Variants in HNF1A observed in about 807,000 individuals in gnomAD.
HNF1A encodes hepatocyte nuclear factor 1-alpha.
Under a neutral mutation model 62.2 loss-of-function variants are expected in HNF1A, and 21 were observed. The ratio of observed to expected loss-of-function variants is 0.34; its 90% CI spans 0.24 to 0.49. HNF1A has a LOEUF of 0.49. HNF1A is among the 20% of genes least tolerant of loss of function. The pLI is 0.99. For missense variants in HNF1A, 687 were observed against 832.3 expected (o/e 0.83, Z 2.15); for synonymous variants, 374 against 366.8 (o/e 1.02, Z -0.22).
intron 6 of HNF1A, 105 bp from the exon 7 acceptor site, chr12:120,997,369 C>A (rs1877162188): frequency 2.2e-6 from 3 of 1,391,236 alleles, no homozygotes; most frequent in Non-Finnish European, 2.9e-6. Context: ...GCCCCCTCCT[C>A]CAAACCACGG....
chr12:120,986,747 TTTTTTA>T (rs1367395890), intron 1 of HNF1A, among the ~76,000 whole-genome samples: 32 of 152,282 alleles, frequency 2.1e-4, no homozygotes, highest in African/African-American at 7.2e-4. Flanking sequence ...ATCTGACTTA[TTTTTTA>T]TTTTTATTAT....
rs200120574 is a variant in HNF1A, at chr12:121,001,074, G to C, written c.1778G>C (p.Ser593Thr). The stretch of plus-strand genomic sequence containing the variant: ...TTGTTTGCCTCTGCAGTGTCCTCCA[G>C]CAGCCTGGTGCTGTACCAGAGCTCA... ...RLSASPTVSS[S>T]SLVLYQSSDS... The change falls in exon 10 of 10, where the codon AGC becomes ACC. Residue 593 changes from serine (S) to threonine (T), a missense_variant. This residue lies in a region of HNF1A where 408 missense variants were observed against 455.3 expected (regional missense o/e 0.90). Coordinates refer to ENST00000257555, the MANE Select transcript of HNF1A (RefSeq NM_000545.8). The C allele has an allele frequency of 3.0e-5, 48 of 1,613,296 alleles. No individual in the cohort carries two copies. Among genetic ancestry groups the C allele is most frequent in the Non-Finnish European group, 4.1e-5 (48 of 1,179,874 alleles).
At chr12:120,998,944 C>CGTGCTT (rs1877265328) in intron 7 of HNF1A, among the ~76,000 whole-genome samples, 1 of 152,112 alleles carries the variant, frequency 6.6e-6, no homozygotes, top group East Asian at 1.9e-4. Flanking sequence ...ACGTAGCACC[C>CGTGCTT]GTGCTTAGTA....
At position 121,001,052 on chromosome 12, in the gene HNF1A, T is replaced by TTTGCC; in HGVS notation, c.1769-11_1769-7dup. On this transcript the variant is annotated splice_polypyrimidine_tract_variant and intron_variant, in intron 9 of 9. Coordinates refer to ENST00000257555, the MANE Select transcript of HNF1A (RefSeq NM_000545.8). ...GCCTGGTGGGTGGCTAGCAGCCTTGTTTGCCTCTGCAGTGTCCTCCAGCAG... is the reference window on the plus strand; with the variant it reads ...GCCTGGTGGGTGGCTAGCAGCCTTGTTTGCCTTGCCTCTGCAGTGTCCTCCAGCAG... The TTTGCC allele has an allele frequency of 6.2e-7, 1 of 1,612,812 alleles. No homozygotes were observed. Among genetic ancestry groups the TTTGCC allele is most frequent in the Non-Finnish European group, 8.5e-7 (1 of 1,179,780 alleles).
intron 1 of HNF1A, among the ~76,000 whole-genome samples, chr12:120,981,362 C>T (rs944657304): frequency 3.4e-4 from 51 of 152,184 alleles, no homozygotes; most frequent in Non-Finnish European, 1.0e-4. Flanking sequence ...GCTCTTTCTT[C>T]AGATCTCCCC....
chr12:120,985,936 G>T (rs1247573965), intron 1 of HNF1A, among the ~76,000 whole-genome samples: 2 of 151,606 alleles, frequency 1.3e-5, no homozygotes, highest in African/African-American at 2.4e-5. Context: ...AGTGAGCTGA[G>T]CTCGCGCCAC....
chr12:121,000,123 A>G (rs944744108), intron 9 of HNF1A, among the ~76,000 whole-genome samples: 1 of 152,310 alleles, frequency 6.6e-6, no homozygotes, highest in South Asian at 2.1e-4. Flanking sequence ...ATCGGCTCCA[A>G]TGACCCCTGG....
Position 120,999,471 on chromosome 12 carries a change from C to T in HNF1A, c.1624-12C>T, listed in dbSNP as rs1418631763. The T allele has an allele frequency of 3.7e-6, 6 of 1,613,786 alleles. No homozygotes were observed. In the African/African-American group the frequency reaches 6.7e-5, roughly 18 times the overall value. ...CATCCCCCGGGCTCAGGAGGCTGCT[C>T]TGCTCCCCCAGGTCTTCACCTCAGA... On this transcript the variant is annotated splice_polypyrimidine_tract_variant and intron_variant, in intron 8 of 9. Transcript: ENST00000257555.
In HNF1A at chr12:120,993,625, A is replaced by G. The variant is rs2135839438; in HGVS notation, c.632A>G (p.Gln211Arg). 7 of 1,614,190 alleles carry G rather than the reference A, an allele frequency of 4.3e-6. No individual in the cohort carries two copies. The highest frequency in any genetic ancestry group is 5.9e-6 in the Non-Finnish European group (7 of 1,180,032). ...RNRFKWGPAS[Q>R]QILFQAYERQ... ...CGTTTCAAGTGGGGCCCAGCATCCC[A>G]GCAGATCCTGTTCCAGGCCTATGAG... Residue 211 changes from glutamine to arginine, a missense_variant, in exon 3 of 10, where the codon CAG becomes CGG. Transcript: ENST00000257555.
At position 120,978,709 on chromosome 12, in the gene HNF1A, C is replaced by CG; in HGVS notation, c.-58dup. 1 of 1,522,404 alleles carries CG rather than the reference C, an allele frequency of 6.6e-7. No individual in the cohort carries two copies. 94.3% of individuals were successfully genotyped at this position (1,522,404 alleles called of 1,614,324 possible). Reference sequence around the variant, plus strand: ...GGCCGGCAGGCAAACGCAACCCACGCGGTGGGGGAGGCGGCTAGCGTGGTG... The same window carrying CG: ...GGCCGGCAGGCAAACGCAACCCACGCGGGTGGGGGAGGCGGCTAGCGTGGTG... On this transcript the variant is annotated 5_prime_UTR_variant, in exon 1 of 10. Coordinates refer to ENST00000257555, the MANE Select transcript of HNF1A (RefSeq NM_000545.8).
Position 121,002,246 on chromosome 12 carries a change from C to CTTCTGACACCATCATGTG in HNF1A, c.*1055_*1056insTCTGACACCATCATGTGT. 2.3e-6 allele frequency: 1 copy of CTTCTGACACCATCATGTG among 440,416 alleles called. No individual in the cohort carries two copies. Among genetic ancestry groups the CTTCTGACACCATCATGTG allele is most frequent in the South Asian group, 2.0e-5 (1 of 49,414 alleles). The allele number at this position is 440,416 out of a possible 1,614,324, so 27.3% of individuals were successfully genotyped here. A position where few individuals can be genotyped will look rare whatever the true frequency, so the allele number is the denominator to read the frequency against. On this transcript the variant is annotated 3_prime_UTR_variant, in exon 10 of 10. Transcript: ENST00000257555. Reference sequence around the variant, plus strand: ...AACACTCAGAAGCCTGGGGGCCTGGCTGGCTGAGGGCAGTTCGCAGCCACC... The same window carrying CTTCTGACACCATCATGTG: ...AACACTCAGAAGCCTGGGGGCCTGGCTTCTGACACCATCATGTGTGGCTGAGGGCAGTTCGCAGCCACC...
At chr12:120,986,281 G>A (rs570481189) in intron 1 of HNF1A, among the ~76,000 whole-genome samples, 16 of 152,264 alleles carry the variant, frequency 1.1e-4, no homozygotes, top group Admixed American at 2.6e-4. Context: ...CTTCCTCAGC[G>A]GGGTTTTTTC....
In HNF1A at chr12:120,985,854, G is replaced by A. The variant is rs185938888; in HGVS notation, c.327-2979G>A. ...ATAAAAATTAGCTGGGTGTGGTAGC[G>A]CACACCTGTAATCCCAGCTACTCGG... On this transcript the variant is annotated intron_variant, in intron 1 of 9. Transcript: ENST00000257555. 3.9e-4 allele frequency among the ~76,000 whole-genome samples: 59 copies of A among 151,354 alleles called. 1 individual carries two copies. Among genetic ancestry groups the A allele is most frequent in the East Asian group, 3.5e-3 (18 of 5,128 alleles).
In HNF1A at chr12:121,002,147, C is replaced by T. The variant is rs1224408732; in HGVS notation, c.*955C>T. 2 of 509,352 alleles carry T rather than the reference C, an allele frequency of 3.9e-6. No homozygotes were observed. Among genetic ancestry groups the T allele is most frequent in the Admixed American group, 5.0e-5 (2 of 40,128 alleles). The allele number at this position is 509,352 out of a possible 1,614,324, so 31.6% of individuals were successfully genotyped here. On this transcript the variant is annotated 3_prime_UTR_variant, in exon 10 of 10. Transcript: ENST00000257555. ...CGAGCAGCTGAGCAGGGCCGGGGAACTGGCCAAGCTGAGGTGCCCAGGAGA... is the reference window on the plus strand; with the variant it reads ...CGAGCAGCTGAGCAGGGCCGGGGAATTGGCCAAGCTGAGGTGCCCAGGAGA...
intron 1 of HNF1A, among the ~76,000 whole-genome samples, chr12:120,982,817 C>T (rs911419907): frequency 4.6e-5 from 7 of 152,172 alleles, no homozygotes; most frequent in Non-Finnish European, 2.9e-5. Flanking sequence ...ACAGCAACCT[C>T]GAGGTCACAC....
intron 1 of HNF1A, among the ~76,000 whole-genome samples, chr12:120,986,431 C>A (rs1876512311): frequency 6.6e-6 from 1 of 152,172 alleles, no homozygotes; most frequent in African/African-American, 2.4e-5. Context: ...GTCACCTGTG[C>A]CAATATTAAA....
chr12:120,996,431 T>C lies in HNF1A; in HGVS notation c.1107+18T>C, dbSNP rs1877101939. ...CCAAGCTGGTGAGTGTCCTTGCTTG[T>C]AAGGAAAACCCAACCTCATCTTTCC... On this transcript the variant is annotated intron_variant, in intron 5 of 9. Coordinates refer to ENST00000257555, the MANE Select transcript of HNF1A (RefSeq NM_000545.8). The surrounding 1 kb of genome is among the most constrained non-coding windows in gnomAD (Gnocchi z 4.5). 2 of 1,613,948 alleles carry C rather than the reference T, an allele frequency of 1.2e-6. No individual in the cohort carries two copies. The highest frequency in any genetic ancestry group is 1.1e-5 in the South Asian group (1 of 91,086).
chr12:120,987,762 TGATCTATCTATC>T (rs1876590466), intron 1 of HNF1A, among the ~76,000 whole-genome samples: 2 of 120,138 alleles, frequency 1.7e-5, no homozygotes, highest in Non-Finnish European at 3.4e-5. Flanking sequence ...GTCACAAAGT[TGATCTATCTATC>T]TATCTATCTA....
Position 120,996,647 on chromosome 12 carries a change from T to C in HNF1A, c.1214T>C (p.Met405Thr), listed in dbSNP as rs1877118474. ...GLNQQPQNLI[M>T]ASLPGVMTIG... ...AACCAGCAGCCCCAGAACCTCATCATGGCCTCACTTCCTGGGGTCATGACC... is the reference window on the plus strand; with the variant it reads ...AACCAGCAGCCCCAGAACCTCATCACGGCCTCACTTCCTGGGGTCATGACC... The change falls in exon 6 of 10, where the codon ATG (methionine) becomes ACG (threonine). Residue 405 changes from methionine (M) to threonine (T), a missense_variant. By Grantham distance (81) the Met-to-Thr change is moderately conservative. This residue lies in a region of HNF1A where 408 missense variants were observed against 455.3 expected (regional missense o/e 0.90). Coordinates refer to ENST00000257555, the MANE Select transcript of HNF1A (RefSeq NM_000545.8). The surrounding 1 kb of genome is among the most constrained non-coding windows in gnomAD (Gnocchi z 4.5). 6.2e-7 allele frequency: 1 copy of C among 1,614,112 alleles called. No homozygotes were observed. The highest frequency in any genetic ancestry group is 8.5e-7 in the Non-Finnish European group (1 of 1,180,016).
Sources: allele counts gnomAD v4.1 joint callset (sites outside exome capture counted in the v4.1 genomes callset), GRCh38; gene constraint gnomAD v4.1.1; regional missense constraint gnomAD v4.1.1; non-coding constraint Gnocchi (gnomAD v3.1); transcripts MANE v1.5; gene names NCBI Gene and HGNC (gene_info 2026-07-23, HGNC 2026-07-21).